The following GALNT13 variants were observed in gnomAD, a reference collection of about 807,000 sequenced individuals.
The protein encoded by GALNT13 is UDP-GalNAc:polypeptide N-acetylgalactosaminyltransferase 13.
In GALNT13, 28 loss-of-function variants were observed where a neutral mutation model predicts 64.2. That is an observed-to-expected ratio of 0.44 (90% CI 0.32 to 0.60). The LOEUF (loss-of-function observed/expected upper bound fraction) is 0.60. Among genes scored for constraint, GALNT13 ranks in the 20% least tolerant of loss-of-function variants. The pLI, the probability that GALNT13 is intolerant of heterozygous loss-of-function variation, is 0.05. For missense variants in GALNT13, 577 were observed against 669.8 expected, an observed-to-expected ratio of 0.86 and a Z score of 1.53; for synonymous variants, 214 against 224.6, an observed-to-expected ratio of 0.95 and a Z score of 0.42.
intron 9 of GALNT13, among the ~76,000 whole-genome samples, chr2:154,358,137 CA>C (rs1341599529): frequency 6.6e-6 from 1 of 152,040 alleles, no homozygotes; most frequent in Admixed American, 6.6e-5. Flanking sequence ...ACACAAATTA[CA>C]TGTGCTACAC....
At chr2:153,231,519 C>T in the GALNT13 span, among the ~76,000 whole-genome samples, 1 of 152,162 alleles carries the variant, frequency 6.6e-6, no homozygotes, top group East Asian at 1.9e-4. Context: ...GTTTAATAGA[C>T]ATCAGAATAG....
At chr2:153,275,952 A>G in the GALNT13 span, among the ~76,000 whole-genome samples, 2 of 152,148 alleles carry the variant, frequency 1.3e-5, no homozygotes, top group Admixed American at 1.3e-4. Context: ...ATCACCACCA[A>G]CACAGTTTAT....
the GALNT13 span, among the ~76,000 whole-genome samples, chr2:153,375,291 G>C: frequency 6.6e-6 from 1 of 151,414 alleles, no homozygotes; most frequent in African/African-American, 2.4e-5. Context: ...TTTGACTTTT[G>C]GAATCTGCTT....
intron 9 of GALNT13, among the ~76,000 whole-genome samples, chr2:154,325,669 G>C (rs1694840386): frequency 6.6e-6 from 1 of 151,818 alleles, no homozygotes; most frequent in South Asian, 2.1e-4. Flanking sequence ...TGATGCTTTA[G>C]TATAGTCATA....
the GALNT13 span, among the ~76,000 whole-genome samples, chr2:153,271,899 G>C: frequency 3.3e-5 from 5 of 152,182 alleles, no homozygotes; most frequent in East Asian, 5.8e-4. Flanking sequence ...AAACAGAATG[G>C]TACTGTTACC....
the GALNT13 span, among the ~76,000 whole-genome samples, chr2:153,264,178 CAT>C: frequency 6.6e-6 from 1 of 152,154 alleles, no homozygotes; most frequent in Non-Finnish European, 1.5e-5. Context: ...GGACAACAAA[CAT>C]ATGAAAAGCT....
At chr2:153,932,701 C>T (rs753450566) in intron 2 of GALNT13, among the ~76,000 whole-genome samples, 8 of 145,762 alleles carry the variant, frequency 5.5e-5, no homozygotes, top group South Asian at 2.1e-4. Context: ...AATCTTGGCT[C>T]GCTGTAACCT....
intron 9 of GALNT13, among the ~76,000 whole-genome samples, chr2:154,333,540 T>C (rs940575674): frequency 6.6e-6 from 1 of 152,062 alleles, no homozygotes; most frequent in Non-Finnish European, 1.5e-5. Flanking sequence ...ACAAAATAAT[T>C]GATGAAAGCA....
the GALNT13 span, among the ~76,000 whole-genome samples, chr2:153,190,442 T>C: frequency 1.3e-5 from 2 of 152,206 alleles, no homozygotes; most frequent in Non-Finnish European, 2.9e-5. Context: ...TTTGTCTATG[T>C]GTCTGTTTGT....
the GALNT13 span, among the ~76,000 whole-genome samples, chr2:153,784,279 T>C: frequency 6.6e-6 from 1 of 152,058 alleles, no homozygotes; most frequent in Non-Finnish European, 1.5e-5. Context: ...TGTTGAGAAA[T>C]GGAATAAAGG....
chr2:153,184,793 T>C, the GALNT13 span, among the ~76,000 whole-genome samples: 1 of 152,256 alleles, frequency 6.6e-6, no homozygotes, highest in East Asian at 1.9e-4. Context: ...TGAGCCAACC[T>C]TGCATCCTGG....
intron 3 of GALNT13, among the ~76,000 whole-genome samples, chr2:154,099,557 A>G (rs1185782410): frequency 1.3e-5 from 2 of 152,072 alleles, no homozygotes; most frequent in Non-Finnish European, 2.9e-5. Flanking sequence ...AGGTCTTACC[A>G]TTAAGCCCTT....
At chr2:154,315,117 A>G (rs1191181971) in intron 9 of GALNT13, among the ~76,000 whole-genome samples, 1 of 152,174 alleles carries the variant, frequency 6.6e-6, no homozygotes, top group East Asian at 1.9e-4. Context: ...TAAAATAGTC[A>G]CTTATAAAAA....
At chr2:153,462,230 T>A in the GALNT13 span, among the ~76,000 whole-genome samples, 2 of 152,044 alleles carry the variant, frequency 1.3e-5, no homozygotes. Flanking sequence ...AAATAGTAGG[T>A]AAAAAAATCT....
At chr2:154,110,374 G>T (rs1345178313) in intron 3 of GALNT13, among the ~76,000 whole-genome samples, 1 of 95,468 alleles carries the variant, frequency 1.0e-5, no homozygotes, top group Non-Finnish European at 2.1e-5. Context: ...GAGAGAGAGA[G>T]AGACAGAGAG....
At chr2:153,846,409 A>G in the GALNT13 span, among the ~76,000 whole-genome samples, 1 of 152,160 alleles carries the variant, frequency 6.6e-6, no homozygotes, top group Non-Finnish European at 1.5e-5. Flanking sequence ...GTATTCACTA[A>G]GAAATATTGA....
At chr2:153,074,283 A>G in the GALNT13 span, among the ~76,000 whole-genome samples, 2 of 152,206 alleles carry the variant, frequency 1.3e-5, no homozygotes, top group African/African-American at 4.8e-5. Flanking sequence ...ATAAATACTT[A>G]GTTCATTTTT....
chr2:154,389,581 A>G (rs1009870880), intron 9 of GALNT13, among the ~76,000 whole-genome samples: 4 of 152,194 alleles, frequency 2.6e-5, no homozygotes, highest in Non-Finnish European at 4.4e-5. Flanking sequence ...GAACTATTAG[A>G]CTTACTAGAC....
At chr2:154,268,067 CT>C (rs1262367202) in intron 8 of GALNT13, among the ~76,000 whole-genome samples, 3 of 152,108 alleles carry the variant, frequency 2.0e-5, no homozygotes, top group Non-Finnish European at 4.4e-5. Flanking sequence ...AGTTTTAGTA[CT>C]TTTTAAACAC....
Sources: gnomAD v4.1 joint callset for allele counts (sites outside exome capture counted in the v4.1 genomes callset) on GRCh38, gnomAD v4.1.1 for gene constraint, MANE v1.5 for transcripts, NCBI Gene and HGNC (gene_info 2026-07-23, HGNC 2026-07-21) for gene names.